EYS: variants seen among roughly 807,000 people sequenced by gnomAD.
The protein encoded by EYS is EGF-like photoreceptor maintenance factor.
EYS carries 250 observed loss-of-function variants against 282.1 expected under a neutral mutation model. The observed-to-expected ratio is 0.89, with a 90% confidence interval of 0.80 to 0.98. EYS has a LOEUF of 0.98. Among genes scored for constraint, EYS ranks in the 50% least tolerant of loss-of-function variants. EYS has a pLI of 0.00. For missense variants in EYS, 4,016 were observed against 3,709.0 expected (o/e 1.08, Z -2.15); for synonymous variants, 1,355 against 1,282.9 (o/e 1.06, Z -1.20).
At chr6:64,744,911 C>T (rs556406318) in intron 22 of EYS, among the ~76,000 whole-genome samples, 28 of 152,094 alleles carry the variant, frequency 1.8e-4, no homozygotes, top group African/African-American at 6.5e-4. Context: ...TCAGTATTGC[C>T]AAATTATTTG....
intron 26 of EYS, among the ~76,000 whole-genome samples, chr6:64,495,766 G>C (rs1044617753): frequency 6.6e-6 from 1 of 151,714 alleles, no homozygotes; most frequent in Non-Finnish European, 1.5e-5. Flanking sequence ...TGTATGCTAT[G>C]AATCACTAAT....
intron 28 of EYS, among the ~76,000 whole-genome samples, chr6:64,425,694 G>C (rs1340136396): frequency 1.4e-5 from 2 of 145,908 alleles, no homozygotes; most frequent in African/African-American, 2.5e-5. Context: ...GCTTTGACCA[G>C]AATGGTTTCA....
At chr6:63,849,449 ATCTGTCTGG>A (rs1412730459) in intron 36 of EYS, among the ~76,000 whole-genome samples, 1 of 152,162 alleles carries the variant, frequency 6.6e-6, no homozygotes, top group Non-Finnish European at 1.5e-5. Context: ...ACTGGCTGGC[ATCTGTCTGG>A]TGCCCCTCTG....
chr6:65,336,857 G>C (rs1246372045), intron 10 of EYS, among the ~76,000 whole-genome samples: 1 of 151,458 alleles, frequency 6.6e-6, no homozygotes, highest in African/African-American at 2.4e-5. Flanking sequence ...ACTGTCAGAA[G>C]AGAAATGCAC....
At position 64,593,157 on chromosome 6, in the gene EYS, A is replaced by G; in HGVS notation, c.3837T>C (p.Thr1279=). 1 of 1,546,228 alleles carries G rather than the reference A, an allele frequency of 6.5e-7. No individual in the cohort carries two copies. The highest frequency in any genetic ancestry group is 8.7e-7 in the Non-Finnish European group (1 of 1,144,760). Reference sequence around the variant, plus strand: ...AAGTGTCCATTATGGCTGGTATTCTAGTAGCCTTTATAGATGGAAAGCTGC... The same window carrying G: ...AAGTGTCCATTATGGCTGGTATTCTGGTAGCCTTTATAGATGGAAAGCTGC... The part of the protein sequence containing the change: ...LVSSFPSIKA[T]RIPAIMDTYP... Residue 1279 remains threonine (T), a synonymous_variant, in exon 25 of 43, where the codon ACT becomes ACC. Transcript: ENST00000503581.
chr6:64,214,870 T>C (rs975654077), intron 31 of EYS, among the ~76,000 whole-genome samples: 8 of 152,018 alleles, frequency 5.3e-5, no homozygotes, highest in African/African-American at 1.9e-4. Context: ...GCATATAATA[T>C]GTGTGTAATG....
chr6:65,590,297 C>A (rs1265024013), intron 2 of EYS, among the ~76,000 whole-genome samples: 1 of 152,032 alleles, frequency 6.6e-6, no homozygotes, highest in Non-Finnish European at 1.5e-5. Flanking sequence ...GAATATCCTG[C>A]TGCCTACAAT....
intron 1 of EYS, among the ~76,000 whole-genome samples, chr6:65,681,847 A>C (rs1490379498): frequency 6.6e-6 from 1 of 151,906 alleles, no homozygotes; most frequent in African/African-American, 2.4e-5. Context: ...TATTTGTCTT[A>C]AGAACTTGAG....
At chr6:65,034,817 T>C (rs1176569949) in intron 13 of EYS, among the ~76,000 whole-genome samples, 2 of 152,090 alleles carry the variant, frequency 1.3e-5, no homozygotes, top group Non-Finnish European at 2.9e-5. Context: ...ACTGAAACTA[T>C]TCCAAAAAAT....
intron 15 of EYS, among the ~76,000 whole-genome samples, chr6:64,921,429 A>G (rs1284040204): frequency 1.3e-5 from 2 of 152,168 alleles, no homozygotes; most frequent in African/African-American, 2.4e-5. Flanking sequence ...GATAGCAGAG[A>G]TAAGAGAGAA....
intron 31 of EYS, among the ~76,000 whole-genome samples, chr6:64,164,743 T>C (rs575849029): frequency 1.3e-5 from 2 of 152,218 alleles, no homozygotes; most frequent in South Asian, 4.1e-4. Context: ...AGAAATAAAA[T>C]GGAACAACAA....
At position 64,447,443 on chromosome 6, in the gene EYS, G is replaced by A. The variant is rs569629255; in HGVS notation, c.5645-8091C>T. Among the ~76,000 whole-genome samples the A allele has an allele frequency of 4.7e-5, 7 of 148,190 alleles. No individual in the cohort carries two copies. In the East Asian group the frequency reaches 1.4e-3, roughly 30 times the overall value. ...AGGTTTTATTAGAAGCTTTACATAT[G>A]CTTCTTGAAATTCTGATTTTTTTTT... On this transcript the variant is annotated intron_variant, in intron 26 of 42. Coordinates refer to ENST00000503581, the MANE Select transcript of EYS (RefSeq NM_001142800.2).
At chr6:64,078,078 T>C (rs570518753) in intron 32 of EYS, among the ~76,000 whole-genome samples, 7 of 152,146 alleles carry the variant, frequency 4.6e-5, no homozygotes, top group African/African-American at 1.7e-4. Flanking sequence ...ACAAAATAAA[T>C]GTGCAGTTTT....
chr6:65,118,773 G>T (rs1463617518), intron 12 of EYS, among the ~76,000 whole-genome samples: 3 of 152,020 alleles, frequency 2.0e-5, no homozygotes, highest in African/African-American at 7.2e-5. Context: ...TACCATGCCT[G>T]CTTTGTGACA....
intron 33 of EYS, among the ~76,000 whole-genome samples, chr6:64,019,912 T>C (rs1163425208): frequency 6.8e-6 from 1 of 146,476 alleles, no homozygotes; most frequent in African/African-American, 2.6e-5. Flanking sequence ...TATTAAGATA[T>C]ACAGATAATC....
At chr6:64,571,306 A>C (rs114925407) in intron 26 of EYS, among the ~76,000 whole-genome samples, 1 of 152,208 alleles carries the variant, frequency 6.6e-6, no homozygotes, top group African/African-American at 2.4e-5. Flanking sequence ...ATACCACTAA[A>C]TGGCCACAGG....
rs564268541 is a variant in EYS at position 63,959,813 on chromosome 6, G to A, written c.7055+24570C>T. On this transcript the variant is annotated intron_variant, in intron 35 of 42. Transcript: ENST00000503581. The stretch of plus-strand genomic sequence containing the variant: ...CACTCATAACTGGGAGTTGAACAGT[G>A]AGAACACATGGACACAGAGGAACAA... 4.6e-5 allele frequency among the ~76,000 whole-genome samples: 7 copies of A among 152,266 alleles called. No homozygotes were observed. In the East Asian group the frequency reaches 1.2e-3, roughly 25 times the overall value.
intron 2 of EYS, among the ~76,000 whole-genome samples, chr6:65,608,020 G>T (rs1441859807): frequency 6.6e-6 from 1 of 151,836 alleles, no homozygotes; most frequent in African/African-American, 2.4e-5. Flanking sequence ...AAAAATTCTT[G>T]ATTTTGTGGA....
At chr6:64,213,205 G>A (rs967993884) in intron 31 of EYS, among the ~76,000 whole-genome samples, 7 of 152,010 alleles carry the variant, frequency 4.6e-5, no homozygotes, top group African/African-American at 1.7e-4. Flanking sequence ...ACCTGCACAT[G>A]TACCCCTGAA....
Sources: gnomAD v4.1 joint callset for allele counts (sites outside exome capture counted in the v4.1 genomes callset) on GRCh38, gnomAD v4.1.1 for gene constraint, MANE v1.5 for transcripts, NCBI Gene and HGNC (gene_info 2026-07-23, HGNC 2026-07-21) for gene names.